WDR89: variants seen among roughly 807,000 people sequenced by gnomAD.
WDR89 encodes WD repeat domain 89, also known as WD repeat-containing protein 89.
Under a neutral mutation model 29.1 loss-of-function variants are expected in WDR89, and 17 were observed. The observed-to-expected ratio is 0.58, with a 90% CI of 0.40 to 0.88. WDR89 has a LOEUF of 0.88. Among genes scored for constraint, WDR89 ranks in the 40% least tolerant of loss-of-function variants. The pLI is 0.00. For synonymous variants in WDR89, 138 were observed against 157.8 expected, an observed-to-expected ratio of 0.87 and a Z score of 0.94; for missense variants, 396 against 456.3, an observed-to-expected ratio of 0.87 and a Z score of 1.20.
intron 2 of WDR89, among the ~76,000 whole-genome samples, chr14:63,622,180 A>AT (rs1214446563): frequency 6.6e-6 from 1 of 152,232 alleles, no homozygotes; most frequent in Non-Finnish European, 1.5e-5. Context: ...CATGCCTGTA[A>AT]TCCCAGCACT....
chr14:63,630,107 C>T (rs1228628541), intron 1 of WDR89, among the ~76,000 whole-genome samples: 1 of 151,908 alleles, frequency 6.6e-6, no homozygotes, highest in East Asian at 1.9e-4. Flanking sequence ...GCCACCATGC[C>T]CGGCTAATTT....
At chr14:63,601,754 A>G (rs888531064) in intron 2 of WDR89, 66 of 1,357,366 alleles carry the variant, frequency 4.9e-5, no homozygotes, top group Non-Finnish European at 6.8e-5. Flanking sequence ...AAGTAGTTCT[A>G]GATGACAAGG....
In WDR89 at chr14:63,599,428, T is replaced by A. The variant is rs746920533; in HGVS notation, c.515A>T (p.Asp172Val). The change falls in exon 3 of 3, where the codon GAT becomes GTT. Residue 172 changes from aspartate to valine, a missense_variant. Coordinates refer to ENST00000620954, the MANE Select transcript of WDR89 (RefSeq NM_080666.4). Reference protein sequence around the residue: ...LGAYSETHSDDVTQVRFHPSN... With the variant: ...LGAYSETHSDVVTQVRFHPSN... ...GGGATGGAAACGTACTTGAGTGACATCATCACTATGTGTCTCTGAATATGC... is the reference window on the plus strand; with the variant it reads ...GGGATGGAAACGTACTTGAGTGACAACATCACTATGTGTCTCTGAATATGC... 6.2e-7 allele frequency: 1 copy of A among 1,614,188 alleles called. No individual in the cohort carries two copies. The highest frequency in any genetic ancestry group is 8.5e-7 in the Non-Finnish European group (1 of 1,180,028).
intron 2 of WDR89, among the ~76,000 whole-genome samples, chr14:63,615,788 G>C (rs143749173): frequency 6.6e-6 from 1 of 152,286 alleles, no homozygotes; most frequent in East Asian, 1.9e-4. Flanking sequence ...GCCAGGTGTG[G>C]TAGTGTGTGT....
chr14:63,635,699 CT>C (rs1883691322), intron 1 of WDR89, among the ~76,000 whole-genome samples: 1 of 152,164 alleles, frequency 6.6e-6, no homozygotes, highest in South Asian at 2.1e-4. Context: ...TCACTGTTTG[CT>C]GAAGACATGG....
intron 2 of WDR89, among the ~76,000 whole-genome samples, chr14:63,612,317 A>T (rs1158113745): frequency 1.3e-5 from 2 of 151,810 alleles, no homozygotes; most frequent in Admixed American, 1.3e-4. Context: ...AAAGGTAAAA[A>T]TAAAATTTCA....
At chr14:63,616,463 C>T (rs1424726407) in intron 2 of WDR89, among the ~76,000 whole-genome samples, 1 of 151,964 alleles carries the variant, frequency 6.6e-6, no homozygotes, top group Non-Finnish European at 1.5e-5. Context: ...AAAATAACAA[C>T]ATAGGGTAAG....
intron 2 of WDR89, among the ~76,000 whole-genome samples, chr14:63,602,425 T>C (rs1303294639): frequency 7.9e-6 from 1 of 125,796 alleles, no homozygotes; most frequent in African/African-American, 3.2e-5. Flanking sequence ...GTCTTGCCAC[T>C]GCACTCCAGC....
chr14:63,634,476 C>A (rs1193344766), intron 1 of WDR89, among the ~76,000 whole-genome samples: 1 of 150,688 alleles, frequency 6.6e-6, no homozygotes, highest in Non-Finnish European at 1.5e-5. Flanking sequence ...GAGCCAAGAT[C>A]GTGCCACTGC....
intron 2 of WDR89, among the ~76,000 whole-genome samples, chr14:63,622,350 C>T (rs1349626621): frequency 2.0e-5 from 3 of 151,606 alleles, no homozygotes; most frequent in Admixed American, 6.6e-5. Flanking sequence ...GAGGCTGAGG[C>T]GGGTGGATCA....
At chr14:63,603,970 T>C (rs958769071) in intron 2 of WDR89, among the ~76,000 whole-genome samples, 2 of 152,216 alleles carry the variant, frequency 1.3e-5, no homozygotes, top group Non-Finnish European at 2.9e-5. Flanking sequence ...GCTGTTTGCC[T>C]GGAGTATTCT....
At chr14:63,629,915 C>T (rs568671311) in intron 1 of WDR89, among the ~76,000 whole-genome samples, 3 of 152,166 alleles carry the variant, frequency 2.0e-5, no homozygotes, top group Admixed American at 6.5e-5. Context: ...TGGAAGGGGT[C>T]GGTAGCAAAA....
At chr14:63,622,906 A>T (rs1882791711) in intron 2 of WDR89, among the ~76,000 whole-genome samples, 4 of 152,158 alleles carry the variant, frequency 2.6e-5, no homozygotes, top group Admixed American at 2.6e-4. Context: ...AACAAGTCAA[A>T]AAGGATATAA....
chr14:63,621,444 A>C (rs548403244), intron 2 of WDR89, among the ~76,000 whole-genome samples: 1 of 152,174 alleles, frequency 6.6e-6, no homozygotes, highest in African/African-American at 2.4e-5. Flanking sequence ...CTAAAAATAC[A>C]TAAATTAGCT....
chr14:63,600,303 G>A (rs1895000351), intron 2 of WDR89, among the ~76,000 whole-genome samples: 1 of 151,668 alleles, frequency 6.6e-6, no homozygotes, highest in Admixed American at 6.6e-5. Flanking sequence ...AGACCAGCCT[G>A]AGCAACATGG....
rs1894852029 is a variant in WDR89 at position 63,597,546 on chromosome 14, TATTA to T, written c.*1229_*1232del. ...TTTTCTCACCTACATCTTCCAACACTATTAATTACTTTTGAATTTTAAATATTTT... is the reference window on the plus strand; with the variant it reads ...TTTTCTCACCTACATCTTCCAACACTATTACTTTTGAATTTTAAATATTTT... On this transcript the variant is annotated 3_prime_UTR_variant, in exon 3 of 3. Coordinates refer to ENST00000620954, the MANE Select transcript of WDR89 (RefSeq NM_080666.4). The T allele has an allele frequency of 6.6e-6, 1 of 152,236 alleles. No individual in the cohort carries two copies. The highest frequency in any genetic ancestry group is 1.5e-5 in the Non-Finnish European group (1 of 68,040). 9.4% of individuals were successfully genotyped at this position (152,236 alleles called of 1,614,324 possible).
At position 63,603,178 on chromosome 14, in the gene WDR89, C is replaced by T. The variant is rs566857564; in HGVS notation, c.-31-3205G>A. ...CATTAATTTTCAACATTTATAAGTGCGCACACACAAAAAGTTCTAATGCAC... is the reference window on the plus strand; with the variant it reads ...CATTAATTTTCAACATTTATAAGTGTGCACACACAAAAAGTTCTAATGCAC... On this transcript the variant is annotated intron_variant, in intron 2 of 2. Transcript: ENST00000620954. Among the ~76,000 whole-genome samples the T allele has an allele frequency of 3.3e-5, 5 of 152,184 alleles. No homozygotes were observed. In the South Asian group the frequency reaches 6.2e-4, roughly 19 times the overall value.
At chr14:63,603,691 C>T (rs1895184450) in intron 2 of WDR89, among the ~76,000 whole-genome samples, 1 of 152,198 alleles carries the variant, frequency 6.6e-6, no homozygotes, top group African/African-American at 2.4e-5. Context: ...TTTAAGCCAG[C>T]TTCTGAAGCC....
At chr14:63,626,500 A>T (rs1241426570) in intron 1 of WDR89, among the ~76,000 whole-genome samples, 2 of 150,254 alleles carry the variant, frequency 1.3e-5, no homozygotes, top group Non-Finnish European at 3.0e-5. Context: ...AACATGGCAA[A>T]ATCCCATCTC....
Sources: allele counts gnomAD v4.1 joint callset (sites outside exome capture counted in the v4.1 genomes callset), GRCh38; gene constraint gnomAD v4.1.1; transcripts MANE v1.5; gene names NCBI Gene and HGNC (gene_info 2026-07-23, HGNC 2026-07-21).